Variants in ADAMTS3 observed in about 807,000 individuals in gnomAD.
ADAMTS3 encodes the protein A disintegrin and metalloproteinase with thrombospondin motifs 3.
In ADAMTS3, 73 loss-of-function variants were observed where a neutral mutation model predicts 129.0. The ratio of observed to expected loss-of-function variants is 0.57; its 90% CI spans 0.47 to 0.69. The LOEUF is 0.69. ADAMTS3 is among the 30% of genes least tolerant of loss of function. The pLI, the probability that ADAMTS3 is intolerant of heterozygous loss-of-function variation, is 0.00. For missense variants in ADAMTS3, 1,457 were observed against 1,514.5 expected (o/e 0.96, Z 0.63); for synonymous variants, 477 against 510.8 (o/e 0.93, Z 0.89).
chr4:72,504,289 C>T (rs532280756), intron 3 of ADAMTS3, among the ~76,000 whole-genome samples: 155 of 152,070 alleles, frequency 1.0e-3, no homozygotes, highest in African/African-American at 3.6e-3. Context: ...TTGGTACTTG[C>T]TTGTCTGAAA....
At chr4:72,557,225 T>C (rs906610699) in intron 2 of ADAMTS3, among the ~76,000 whole-genome samples, 8 of 151,350 alleles carry the variant, frequency 5.3e-5, no homozygotes, top group East Asian at 1.9e-4. Context: ...GAGCCAAGAG[T>C]AAGAGAATGA....
At chr4:72,329,611 T>C (rs13141693) in intron 5 of ADAMTS3, among the ~76,000 whole-genome samples, 1 of 152,156 alleles carries the variant, frequency 6.6e-6, no homozygotes, top group African/African-American at 2.4e-5. Context: ...TTGTTGTTGC[T>C]GTTGTTGCTG....
At chr4:72,383,342 T>C (rs1023159106) in intron 4 of ADAMTS3, among the ~76,000 whole-genome samples, 2 of 152,148 alleles carry the variant, frequency 1.3e-5, no homozygotes, top group Admixed American at 6.6e-5. Context: ...AAACGACACA[T>C]GGGTGAGTTT....
intron 4 of ADAMTS3, among the ~76,000 whole-genome samples, chr4:72,379,084 C>G (rs1721209973): frequency 6.6e-6 from 1 of 152,140 alleles, no homozygotes; most frequent in South Asian, 2.1e-4. Flanking sequence ...TCTACCACTT[C>G]ACTGTCTTTT....
intron 3 of ADAMTS3, among the ~76,000 whole-genome samples, chr4:72,486,863 C>T (rs537331957): frequency 1.3e-5 from 2 of 152,228 alleles, no homozygotes; most frequent in East Asian, 1.9e-4. Flanking sequence ...TCCTTATTCC[C>T]CCTCTAATGT....
intron 3 of ADAMTS3, among the ~76,000 whole-genome samples, chr4:72,476,427 G>T (rs1719234320): frequency 6.6e-6 from 1 of 152,004 alleles, no homozygotes; most frequent in African/African-American, 2.4e-5. Context: ...ACATGAAATA[G>T]ATAATTTAAA....
chr4:72,399,010 G>T (rs1182614468), intron 4 of ADAMTS3, among the ~76,000 whole-genome samples: 2 of 152,186 alleles, frequency 1.3e-5, no homozygotes, highest in African/African-American at 4.8e-5. Flanking sequence ...CTTCTTCTAT[G>T]TCACACTAGT....
chr4:72,313,158 G>A (rs546803871), intron 12 of ADAMTS3, among the ~76,000 whole-genome samples: 186 of 152,192 alleles, frequency 1.2e-3, no homozygotes, highest in African/African-American at 2.5e-3. Context: ...TTTTTTCTTC[G>A]TAAAGATTGC....
intron 3 of ADAMTS3, among the ~76,000 whole-genome samples, chr4:72,501,727 T>C (rs934164718): frequency 6.6e-6 from 1 of 152,186 alleles, no homozygotes; most frequent in Non-Finnish European, 1.5e-5. Flanking sequence ...CTGCTTAGTA[T>C]CGTTGTCTCC....
chr4:72,336,489 T>C (rs1187970632), intron 5 of ADAMTS3, among the ~76,000 whole-genome samples: 1 of 152,176 alleles, frequency 6.6e-6, no homozygotes, highest in East Asian at 1.9e-4. Flanking sequence ...TTTCTGCTTC[T>C]CATTCTCATT....
Position 72,319,377 on chromosome 4 carries a change from T to C in ADAMTS3, c.1307A>G (p.Tyr436Cys). The change falls in exon 9 of 22, where the codon TAC (tyrosine) becomes TGC (cysteine). Residue 436 changes from tyrosine (Y) to cysteine (C), a missense_variant. Physicochemically the swap from Tyr to Cys is radical, Grantham distance 194. Coordinates refer to ENST00000286657, the MANE Select transcript of ADAMTS3 (RefSeq NM_014243.3). ...APLVQAAFHR[Y>C]HWSRCSGQEL... Reference sequence around the variant, plus strand: ...TTGACCACTGCATCGGGACCAGTGGTAACGATGGAATGCTGCTTGTACCAA... The same window carrying C: ...TTGACCACTGCATCGGGACCAGTGGCAACGATGGAATGCTGCTTGTACCAA... 1 of 1,613,948 alleles carries C rather than the reference T, an allele frequency of 6.2e-7. No individual in the cohort carries two copies. The highest frequency in any genetic ancestry group is 8.5e-7 in the Non-Finnish European group (1 of 1,179,938).
intron 5 of ADAMTS3, among the ~76,000 whole-genome samples, chr4:72,336,310 T>A (rs1472521502): frequency 1.3e-5 from 2 of 152,204 alleles, no homozygotes; most frequent in Non-Finnish European, 2.9e-5. Context: ...TAAGTCTCTG[T>A]GTCTATGTAG....
At chr4:72,338,446 A>G (rs1349894023) in intron 5 of ADAMTS3, among the ~76,000 whole-genome samples, 1 of 152,142 alleles carries the variant, frequency 6.6e-6, no homozygotes, top group Non-Finnish European at 1.5e-5. Flanking sequence ...TTTCACAGAG[A>G]TATGGTATAA....
chr4:72,496,251 G>A (rs1719870604), intron 3 of ADAMTS3, among the ~76,000 whole-genome samples: 1 of 152,146 alleles, frequency 6.6e-6, no homozygotes, highest in African/African-American at 2.4e-5. Context: ...TGGTTTTCTA[G>A]TCATACCTTC....
In ADAMTS3 at chr4:72,339,842, G is replaced by C. The variant is rs75424048; in HGVS notation, c.662-149C>G. On this transcript the variant is annotated intron_variant, in intron 4 of 21. Coordinates refer to ENST00000286657, the MANE Select transcript of ADAMTS3 (RefSeq NM_014243.3). ...TTTCAGTTTATTCCTTAAATAATACGCATATGCATACGATCAGACAGACCT... is the reference window on the plus strand; with the variant it reads ...TTTCAGTTTATTCCTTAAATAATACCCATATGCATACGATCAGACAGACCT... 2,069 of 649,172 alleles carry C rather than the reference G, an allele frequency of 3.2e-3. 43 individuals are homozygous for C. The African/African-American group carries it at 0.034, about 11-fold the overall frequency. 40.2% of individuals were successfully genotyped at this position (649,172 alleles called of 1,614,324 possible).
intron 3 of ADAMTS3, among the ~76,000 whole-genome samples, chr4:72,474,793 G>A (rs911879008): frequency 3.3e-5 from 5 of 152,084 alleles, no homozygotes; most frequent in Admixed American, 1.3e-4. Flanking sequence ...TTGGGAGGCC[G>A]AGGCGGGTGG....
At chr4:72,495,272 G>C (rs2110018405) in intron 3 of ADAMTS3, among the ~76,000 whole-genome samples, 1 of 152,276 alleles carries the variant, frequency 6.6e-6, no homozygotes, top group East Asian at 1.9e-4. Context: ...TAGTCCCAGG[G>C]TCTGTGGGGT....
chr4:72,430,946 A>T (rs1722683623), intron 3 of ADAMTS3, among the ~76,000 whole-genome samples: 1 of 151,988 alleles, frequency 6.6e-6, no homozygotes. Context: ...TAAAGGAATC[A>T]GTAACAGATA....
Position 72,414,253 on chromosome 4 carries a change from C to T in ADAMTS3, c.661+562G>A, listed in dbSNP as rs377573182. ...CATTTAAACAAACAAAAATAGAAAA[C>T]TTTGATGCAACATAATTTACTTGAC... On this transcript the variant is annotated intron_variant, in intron 4 of 21. Coordinates refer to ENST00000286657, the MANE Select transcript of ADAMTS3 (RefSeq NM_014243.3). Among the ~76,000 whole-genome samples the T allele has an allele frequency of 4.2e-4, 64 of 151,698 alleles. No individual in the cohort carries two copies. The South Asian group carries it at 0.013, about 30-fold the overall frequency.
Sources: allele counts gnomAD v4.1 joint callset (sites outside exome capture counted in the v4.1 genomes callset), GRCh38; gene constraint gnomAD v4.1.1; transcripts MANE v1.5; gene names NCBI Gene and HGNC (gene_info 2026-07-23, HGNC 2026-07-21).